COG2: variants seen among roughly 807,000 people sequenced by gnomAD.
COG2 encodes conserved oligomeric Golgi complex subunit 2.
Under a neutral mutation model 90.6 loss-of-function variants are expected in COG2, and 52 were observed. The ratio of observed to expected loss-of-function variants is 0.57; its 90% CI spans 0.46 to 0.72. The LOEUF (loss-of-function observed/expected upper bound fraction) is 0.72, where lower values mean the gene tolerates loss of function less well. Ranked by LOEUF, COG2 falls within the 30% of genes least tolerant of loss-of-function variation. The pLI is 0.00. For synonymous variants in COG2, 337 were observed against 320.4 expected (o/e 1.05, Z -0.55); for missense variants, 829 against 891.2 (o/e 0.93, Z 0.89).
chr1:230,656,797 C>T (rs1431266732), intron 1 of COG2, among the ~76,000 whole-genome samples: 1 of 152,126 alleles, frequency 6.6e-6, no homozygotes, highest in Non-Finnish European at 1.5e-5. Context: ...ATAATTAGCT[C>T]TTGTTGCATT....
chr1:230,687,258 A>C, intron 13 of COG2, 126 bp downstream of exon 13: 2 of 663,852 alleles, frequency 3.0e-6, no homozygotes, highest in Admixed American at 3.2e-5. Context: ...GGGTACCCCA[A>C]GAGAGAACCT....
chr1:230,671,500 A>AT lies in COG2; in HGVS notation c.775-11dup, dbSNP rs1195793382. 1.3e-6 allele frequency: 2 copies of AT among 1,592,574 alleles called. No individual in the cohort carries two copies. Among genetic ancestry groups the AT allele is most frequent in the Non-Finnish European group, 1.7e-6 (2 of 1,172,056 alleles). Reference sequence around the variant, plus strand: ...CTTTTAAATGCTTTTTTAAAAAATGATTTTTCTTTTAATAGGTGATTATAG... The same window carrying AT: ...CTTTTAAATGCTTTTTTAAAAAATGATTTTTTCTTTTAATAGGTGATTATAG... On this transcript the variant is annotated splice_polypyrimidine_tract_variant and intron_variant, in intron 7 of 17. Transcript: ENST00000366669.
intron 10 of COG2, chr1:230,680,760 A>G (rs771964525): frequency 2.0e-5 from 3 of 152,224 alleles, no homozygotes; most frequent in Non-Finnish European, 4.4e-5. Flanking sequence ...TCCATCTAAA[A>G]AGTAAATTCC....
chr1:230,687,406 T>G (rs529245133), intron 13 of COG2, among the ~76,000 whole-genome samples: 1 of 152,284 alleles, frequency 6.6e-6, no homozygotes, highest in African/African-American at 2.4e-5. Flanking sequence ...TGCTTCCTTT[T>G]CAGTAGTGAT....
intron 9 of COG2, 63 bp downstream of exon 9, chr1:230,675,187 G>T: frequency 6.5e-7 from 1 of 1,549,672 alleles, no homozygotes; most frequent in Non-Finnish European, 8.7e-7. Flanking sequence ...GAAATATCAT[G>T]TTCTCTTCTA....
At chr1:230,680,572 T>C (rs755656108) in intron 10 of COG2, 8 of 152,178 alleles carry the variant, frequency 5.3e-5, no homozygotes, top group Middle Eastern at 3.2e-3. Flanking sequence ...TTAAACTACA[T>C]TGAAACTCAG....
chr1:230,642,532 G>C lies in COG2; in HGVS notation c.-75G>C, dbSNP rs1661644824. 8 of 1,466,906 alleles carry C rather than the reference G, an allele frequency of 5.5e-6. No homozygotes were observed. The highest frequency in any genetic ancestry group is 7.5e-6 in the Non-Finnish European group (8 of 1,071,466). 90.9% of individuals were successfully genotyped at this position (1,466,906 alleles called of 1,614,324 possible). On this transcript the variant is annotated 5_prime_UTR_variant, in exon 1 of 18. Transcript: ENST00000366669. ...GCCGTGGAAACTGGCGGTGGCCGCG[G>C]CCGCCGAGTCGGTCTGCGCAGCCTC...
rs1287258802 is a variant in COG2 at position 230,642,555 on chromosome 1, C to G, written c.-52C>G. Reference sequence around the variant, plus strand: ...CGGCCGCCGAGTCGGTCTGCGCAGCCTCCTGCGTTTTCTCGCTTGGATCTT... The same window carrying G: ...CGGCCGCCGAGTCGGTCTGCGCAGCGTCCTGCGTTTTCTCGCTTGGATCTT... On this transcript the variant is annotated 5_prime_UTR_variant, in exon 1 of 18. Transcript: ENST00000366669. The G allele has an allele frequency of 1.9e-6, 3 of 1,570,928 alleles. No homozygotes were observed. Among genetic ancestry groups the G allele is most frequent in the Admixed American group, 1.8e-5 (1 of 55,814 alleles).
At chr1:230,663,313 C>G in intron 4 of COG2, 92 bp downstream of exon 4, 1 of 797,078 alleles carries the variant, frequency 1.3e-6, no homozygotes, top group Non-Finnish European at 2.0e-6. Context: ...ATTTACTCTT[C>G]TTGATACCTT....
At chr1:230,652,202 A>G (rs930232854) in intron 1 of COG2, among the ~76,000 whole-genome samples, 5 of 69,668 alleles carry the variant, frequency 7.2e-5, no homozygotes, top group Non-Finnish European at 1.3e-4. Flanking sequence ...CACCTTCAGC[A>G]CCACCACCCT....
At chr1:230,677,670 G>A (rs1294998498) in intron 9 of COG2, among the ~76,000 whole-genome samples, 1 of 152,180 alleles carries the variant, frequency 6.6e-6, no homozygotes, top group African/African-American at 2.4e-5. Context: ...TTAGAGACTC[G>A]TATTGACCAT....
In COG2 at chr1:230,679,046, A is replaced by C; in HGVS notation, c.1160A>C (p.Gln387Pro). 1 of 1,611,634 alleles carries C rather than the reference A, an allele frequency of 6.2e-7. No homozygotes were observed. The highest frequency in any genetic ancestry group is 1.3e-5 in the African/African-American group (1 of 74,976). The change falls in exon 10 of 18, where the codon CAA (glutamine) becomes CCA (proline). Residue 387 changes from glutamine (Q) to proline (P), a missense_variant. Transcript: ENST00000366669. ...NKKWNLPVYF[Q>P]IRFREIAGSL... is the part of the protein sequence containing the mutation. ...AAGTGGAACTTGCCTGTTTATTTTCAAATAAGGTTGGTCATCTATTCACCG... is the reference window on the plus strand; with the variant it reads ...AAGTGGAACTTGCCTGTTTATTTTCCAATAAGGTTGGTCATCTATTCACCG...
rs76862060 is a variant in COG2 at position 230,647,070 on chromosome 1, G to A, written c.72+4392G>A. 9.5e-3 allele frequency among the ~76,000 whole-genome samples: 1,437 copies of A among 151,974 alleles called. 16 individuals are homozygous for A. The highest frequency in any genetic ancestry group is 0.032 in the African/African-American group (1,319 of 41,434). The stretch of plus-strand genomic sequence containing the variant: ...GGGTGCCCTTTTCAAAACGCATCTC[G>A]GTGCTTGTATGTAACAGGTGCTTGT... On this transcript the variant is annotated intron_variant, in intron 1 of 17. Coordinates refer to ENST00000366669, the MANE Select transcript of COG2 (RefSeq NM_007357.3).
chr1:230,659,676 C>T (rs1328116945), intron 2 of COG2, 51 bp downstream of exon 2: 2 of 1,560,100 alleles, frequency 1.3e-6, no homozygotes. Flanking sequence ...TTCTTTCTCA[C>T]TCATACTTAT....
intron 9 of COG2, among the ~76,000 whole-genome samples, chr1:230,676,181 TCTAA>T (rs772851691): frequency 7.2e-5 from 11 of 152,204 alleles, no homozygotes; most frequent in Non-Finnish European, 1.2e-4. Flanking sequence ...TTACAGTGAT[TCTAA>T]CTGTCAATGC....
intron 1 of COG2, among the ~76,000 whole-genome samples, chr1:230,656,776 A>C (rs1040119812): frequency 6.6e-6 from 1 of 152,122 alleles, no homozygotes; most frequent in African/African-American, 2.4e-5. Context: ...TTGGGTGCAT[A>C]TATATTTAGG....
chr1:230,647,691 C>A (rs1346465496), intron 1 of COG2, among the ~76,000 whole-genome samples: 1 of 152,216 alleles, frequency 6.6e-6, no homozygotes, highest in Non-Finnish European at 1.5e-5. Context: ...TGCAAATGCT[C>A]AAGACCCTCT....
Position 230,663,201 on chromosome 1 carries a change from G to A in COG2, c.361G>A (p.Glu121Lys). Residue 121 changes from glutamate (E) to lysine (K), a missense_variant, in exon 4 of 18, where the codon GAG (glutamate) becomes AAG (lysine). Coordinates refer to ENST00000366669, the MANE Select transcript of COG2 (RefSeq NM_007357.3). ...RAVDERMSKQ[E>K]DIRKKKMCVL... The stretch of plus-strand genomic sequence containing the variant: ...AGTTGATGAACGAATGTCTAAACAA[G>A]AGGACATTAGGAAAAAAAAGGTATA... 2 of 1,610,236 alleles carry A rather than the reference G, an allele frequency of 1.2e-6. No individual in the cohort carries two copies. The highest frequency in any genetic ancestry group is 1.7e-5 in the Admixed American group (1 of 59,702).
chr1:230,656,633 G>A (rs1343344546), intron 1 of COG2, among the ~76,000 whole-genome samples: 3 of 152,288 alleles, frequency 2.0e-5, no homozygotes, highest in South Asian at 4.1e-4. Context: ...GAATATCCTT[G>A]TTAATTTTCT....
Sources: gnomAD v4.1 joint callset for allele counts (sites outside exome capture counted in the v4.1 genomes callset) on GRCh38, gnomAD v4.1.1 for gene constraint, MANE v1.5 for transcripts, NCBI Gene and HGNC (gene_info 2026-07-23, HGNC 2026-07-21) for gene names.